TLE4: variants seen among roughly 807,000 people sequenced by gnomAD.
TLE4 encodes the protein transducin-like enhancer protein 4.
TLE4 carries 8 observed loss-of-function variants against 92.8 expected under a neutral mutation model. The observed-to-expected ratio is 0.09, with a 90% CI of 0.05 to 0.16. TLE4 has a LOEUF of 0.16. Ranked by LOEUF, TLE4 falls within the 10% of genes least tolerant of loss-of-function variation. TLE4 has a pLI of 1.00. For missense variants in TLE4, 675 were observed against 997.6 expected (o/e 0.68, Z 4.36); for synonymous variants, 371 against 374.1 (o/e 0.99, Z 0.10).
rs532420974 is a variant in TLE4, at chr9:79,709,650, C to T, written c.1291C>T (p.Arg431Cys). ...VVGFDPHHHM[R>C]VPAIPPNLTG... ...GGGATTTGATCCACACCATCACATGCGTGTGCCAGCAATACCTCCAAACCT... is the reference window on the plus strand; with the variant it reads ...GGGATTTGATCCACACCATCACATGTGTGTGCCAGCAATACCTCCAAACCT... The change falls in exon 14 of 20, where the codon CGT (arginine) becomes TGT (cysteine). Residue 431 changes from arginine (R) to cysteine (C), a missense_variant. Arg to Cys is a radical substitution (Grantham distance 180). Around this residue, in one of 5 missense-constraint regions of TLE4, gnomAD observed 119 missense variants for 175.9 expected, o/e 0.68. Coordinates refer to ENST00000376552, the MANE Select transcript of TLE4 (RefSeq NM_007005.6). 26 of 1,614,030 alleles carry T rather than the reference C, an allele frequency of 1.6e-5. No homozygotes were observed. The highest frequency in any genetic ancestry group is 1.7e-6 in the Non-Finnish European group (2 of 1,179,962).
intron 4 of TLE4, among the ~76,000 whole-genome samples, chr9:79,607,200 C>T (rs890139461): frequency 1.3e-5 from 2 of 152,136 alleles, no homozygotes; most frequent in East Asian, 1.9e-4. Context: ...ATATCCTTTG[C>T]CCACTTTTTG....
chr9:79,613,586 G>C (rs1007436803), intron 5 of TLE4, among the ~76,000 whole-genome samples: 8 of 152,168 alleles, frequency 5.3e-5, no homozygotes, highest in Non-Finnish European at 2.9e-5. Flanking sequence ...TGAAATATCT[G>C]CATGTCTTGT....
rs71364420 is a variant in TLE4, at chr9:79,606,187, G to GTTTTTTTTTTTTTTTTTTTTTTT, written c.253-6453_253-6431dup. On this transcript the variant is annotated intron_variant, in intron 4 of 19. Transcript: ENST00000376552. The stretch of plus-strand genomic sequence containing the variant: ...ATTGCTTTATTAAGCAGTAGTAGTT[G>GTTTTTTTTTTTTTTTTTTTTTTT]TTTTTTTTTTTTTTTTTTTTTTTTT... Among the ~76,000 whole-genome samples the GTTTTTTTTTTTTTTTTTTTTTTT allele has an allele frequency of 3.1e-4, 9 of 28,714 alleles. 3 individuals carry two copies. The highest frequency in any genetic ancestry group is 9.8e-4 in the Admixed American group (2 of 2,042). The allele number at this position is 28,714 out of a possible 152,430, so 18.8% of individuals were successfully genotyped here. A position where few individuals can be genotyped will look rare whatever the true frequency, so the allele number is the denominator to read the frequency against.
At chr9:79,646,465 T>C (rs925433397) in intron 6 of TLE4, among the ~76,000 whole-genome samples, 33 of 152,206 alleles carry the variant, frequency 2.2e-4, no homozygotes, top group African/African-American at 7.7e-4. Flanking sequence ...AATAGAAATA[T>C]ATTTTTAATG....
At chr9:79,690,545 C>T (rs1353296214) in intron 8 of TLE4, among the ~76,000 whole-genome samples, 2 of 152,026 alleles carry the variant, frequency 1.3e-5, no homozygotes, top group East Asian at 1.9e-4. Flanking sequence ...ACTGTTCACA[C>T]GCATCTTGCA....
intron 8 of TLE4, among the ~76,000 whole-genome samples, chr9:79,689,964 G>C (rs776603957): frequency 1.3e-5 from 2 of 152,100 alleles, no homozygotes; most frequent in Non-Finnish European, 2.9e-5. Flanking sequence ...TCCAGATGGG[G>C]CTTTTTGAAA....
At chr9:79,711,029 C>T (rs762412939) in intron 14 of TLE4, among the ~76,000 whole-genome samples, 5 of 152,204 alleles carry the variant, frequency 3.3e-5, no homozygotes, top group South Asian at 2.1e-4. Context: ...GTGTTAATTG[C>T]GTGCCCTCTT....
chr9:79,616,861 T>C (rs1377792375), intron 5 of TLE4, among the ~76,000 whole-genome samples: 1 of 152,182 alleles, frequency 6.6e-6, no homozygotes, highest in Admixed American at 6.5e-5. Flanking sequence ...TAATTTAGAA[T>C]TGGGCTAGCT....
At chr9:79,573,131 G>A (rs924373229) in intron 1 of TLE4, 1 of 665,238 alleles carries the variant, frequency 1.5e-6, no homozygotes, top group Non-Finnish European at 2.0e-6. Context: ...GAGGGGGGGT[G>A]GCGAGCGATG....
At chr9:79,697,006 G>A (rs1176377735) in intron 8 of TLE4, among the ~76,000 whole-genome samples, 3 of 152,186 alleles carry the variant, frequency 2.0e-5, no homozygotes, top group Non-Finnish European at 4.4e-5. Flanking sequence ...TTATAAAGCA[G>A]TAGGTGAATG....
At position 79,704,899 on chromosome 9, in the gene TLE4, T is replaced by A. The variant is rs1364145578; in HGVS notation, c.726T>A (p.Arg242=). The change falls in exon 9 of 20, where the codon CGT becomes CGA. Residue 242 remains arginine, a synonymous_variant. Transcript: ENST00000376552. ...QKTEEKEIAA[R]YDSDGEKSDD... is the part of the protein sequence containing the mutation. ...CTGAAGAAAAGGAAATTGCAGCTCG[T>A]TATGTAAGTTCATTCACCTTTGTGT... The A allele has an allele frequency of 6.2e-7, 1 of 1,614,078 alleles. No homozygotes were observed. The highest frequency in any genetic ancestry group is 1.7e-5 in the Admixed American group (1 of 59,996).
At chr9:79,610,030 C>T (rs1034568685) in intron 4 of TLE4, among the ~76,000 whole-genome samples, 1 of 152,028 alleles carries the variant, frequency 6.6e-6, no homozygotes, top group Non-Finnish European at 1.5e-5. Flanking sequence ...TGCTTTTCCT[C>T]CTAGGTTGCC....
At chr9:79,587,393 A>G (rs1010081733) in intron 4 of TLE4, among the ~76,000 whole-genome samples, 45 of 152,308 alleles carry the variant, frequency 3.0e-4, no homozygotes, top group African/African-American at 1.1e-3. Context: ...GCATTTTTAA[A>G]ATTTAGAATT....
At chr9:79,576,347 T>G (rs1249855599) in intron 4 of TLE4, 170 bp downstream of exon 4, 2 of 402,294 alleles carry the variant, frequency 5.0e-6, no homozygotes, top group Non-Finnish European at 8.9e-6. Flanking sequence ...CCATCTTTCT[T>G]TCATATTATC....
rs1026897227 is a variant in TLE4, at chr9:79,704,499, G to T, written c.610-284G>T. On this transcript the variant is annotated intron_variant, in intron 8 of 19. Coordinates refer to ENST00000376552, the MANE Select transcript of TLE4 (RefSeq NM_007005.6). ...CTGTTTTGAGTTTACACTAATTCCT[G>T]CCACCCTTTTTATTTCCTCTCCTCC... 6 of 420,718 alleles carry T rather than the reference G, an allele frequency of 1.4e-5. No individual in the cohort carries two copies. The South Asian group carries it at 1.9e-4, about 13-fold the overall frequency. The allele number at this position is 420,718 out of a possible 1,614,324, so 26.1% of individuals were successfully genotyped here. A position where few individuals can be genotyped will look rare whatever the true frequency, so the allele number is the denominator to read the frequency against.
intron 4 of TLE4, among the ~76,000 whole-genome samples, chr9:79,589,222 C>G (rs115073255): frequency 6.6e-6 from 1 of 152,156 alleles, no homozygotes; most frequent in Non-Finnish European, 1.5e-5. Context: ...GCATAATGAC[C>G]TCTTTGAGTA....
At chr9:79,708,557 G>A (rs2072334928) in intron 12 of TLE4, 36 bp from the exon 13 acceptor site, 1 of 1,579,864 alleles carries the variant, frequency 6.3e-7, no homozygotes, top group South Asian at 1.1e-5. Context: ...TGTTTCCTGT[G>A]TTCTTCATTT....
intron 6 of TLE4, among the ~76,000 whole-genome samples, chr9:79,646,717 A>T (rs769074612): frequency 6.6e-6 from 1 of 152,178 alleles, no homozygotes; most frequent in Admixed American, 6.5e-5. Flanking sequence ...TCATTTATTA[A>T]TGTATACATT....
At chr9:79,722,363 A>C in intron 17 of TLE4, 88 bp from the exon 18 acceptor site, 1 of 1,397,652 alleles carries the variant, frequency 7.2e-7, no homozygotes, top group Non-Finnish European at 9.7e-7. Context: ...TCATAATTTA[A>C]GTAGTATCTA....
Sources: gnomAD v4.1 joint callset for allele counts (sites outside exome capture counted in the v4.1 genomes callset) on GRCh38, gnomAD v4.1.1 for gene constraint, gnomAD v4.1.1 regional missense constraint, MANE v1.5 for transcripts, NCBI Gene and HGNC (gene_info 2026-07-23, HGNC 2026-07-21) for gene names.